The following CDH26 variants were observed in gnomAD, a reference collection of about 807,000 sequenced individuals.
CDH26 encodes cadherin-like protein 26.
In CDH26, 83 loss-of-function variants were observed where a neutral mutation model predicts 90.3. The ratio of observed to expected loss-of-function variants is 0.92; its 90% CI spans 0.77 to 1.10. The LOEUF (loss-of-function observed/expected upper bound fraction) is 1.10, where lower values mean the gene tolerates loss of function less well. Among genes scored for constraint, CDH26 ranks in the 50% least tolerant of loss-of-function variants. The pLI, the probability that CDH26 is intolerant of heterozygous loss-of-function variation, is 0.00. For missense variants in CDH26, 1,013 were observed against 1,037.6 expected, an observed-to-expected ratio of 0.98 and a Z score of 0.33; for synonymous variants, 397 against 396.3, an observed-to-expected ratio of 1.00 and a Z score of -0.02.
chr20:60,029,085 G>A (rs990366165), intron 7 of CDH26, among the ~76,000 whole-genome samples: 1 of 152,214 alleles, frequency 6.6e-6, no homozygotes, highest in Non-Finnish European at 1.5e-5. Context: ...GGACACAGAG[G>A]GATGAGGATT....
At chr20:60,028,896 C>T (rs937576867) in intron 7 of CDH26, among the ~76,000 whole-genome samples, 2 of 152,140 alleles carry the variant, frequency 1.3e-5, no homozygotes, top group African/African-American at 4.8e-5. Context: ...TTCGCTGCAG[C>T]GTTATTCACG....
At chr20:59,967,011 G>A (rs1045130844) in intron 1 of CDH26, among the ~76,000 whole-genome samples, 3 of 151,986 alleles carry the variant, frequency 2.0e-5, no homozygotes, top group South Asian at 4.1e-4. Flanking sequence ...TAATGTTATG[G>A]GATGATGATT....
intron 2 of CDH26, 69 bp from the exon 3 acceptor site, chr20:59,970,013 G>C: frequency 6.4e-7 from 1 of 1,568,132 alleles, no homozygotes; most frequent in South Asian, 1.2e-5. Flanking sequence ...ATGAAGTAAG[G>C]GTGTGATAAA....
At chr20:60,008,546 G>A (rs1446827039) in intron 17 of CDH26, among the ~76,000 whole-genome samples, 1 of 152,194 alleles carries the variant, frequency 6.6e-6, no homozygotes, top group Non-Finnish European at 1.5e-5. Flanking sequence ...CTGACTTGAG[G>A]TCCTGGGATC....
chr20:60,000,825 A>G (rs2146005141), intron 14 of CDH26, among the ~76,000 whole-genome samples: 1 of 152,360 alleles, frequency 6.6e-6, no homozygotes, highest in Middle Eastern at 3.4e-3. Flanking sequence ...GCCGTCACTT[A>G]TGATTTATGG....
Position 59,985,108 on chromosome 20 carries a change from G to A in CDH26, c.816G>A (p.Arg272=). The A allele has an allele frequency of 6.2e-7, 1 of 1,613,646 alleles. No individual in the cohort carries two copies. The highest frequency in any genetic ancestry group is 1.1e-5 in the South Asian group (1 of 91,024). ...ATGTGCAAGAAGGCAACAACCACAG[G>A]CCTGCATTTACCCAGGAGAACGTGA... is the stretch of plus-strand genomic sequence containing the variant. The part of the protein sequence containing the change: ...HVDVQEGNNH[R]PAFTQENYKV... Residue 272 remains arginine, a synonymous_variant, in exon 7 of 18, where the codon AGG becomes AGA. Coordinates refer to ENST00000348616, the MANE Select transcript of CDH26 (RefSeq NM_177980.4).
downstream of CDH26, among the ~76,000 whole-genome samples, chr20:60,019,193 A>G (rs570701517): frequency 6.6e-6 from 1 of 152,238 alleles, no homozygotes; most frequent in Non-Finnish European, 1.5e-5. Flanking sequence ...CTTGGAGAGA[A>G]TCTATTTGGA....
intron 8 of CDH26, chr20:60,031,576 G>A (rs771562968): frequency 3.1e-5 from 29 of 922,078 alleles, no homozygotes; most frequent in Non-Finnish European, 3.6e-5. Flanking sequence ...GATGAAAGGA[G>A]TATGATCTTC....
intron 15 of CDH26, 21 bp from the exon 16 acceptor site, chr20:60,002,792 A>C: frequency 6.4e-7 from 1 of 1,572,384 alleles, no homozygotes; most frequent in Non-Finnish European, 8.7e-7. Flanking sequence ...GAAATCAGTA[A>C]ATATTTCATC....
intron 8 of CDH26, 85 bp downstream of exon 8, chr20:59,987,723 G>A: frequency 7.9e-7 from 1 of 1,261,966 alleles, no homozygotes; most frequent in Non-Finnish European, 1.1e-6. Context: ...GAACCAGGGA[G>A]CTAACGTCCG....
At chr20:59,999,799 C>T (rs1203726139) in intron 14 of CDH26, 136 bp downstream of exon 14, 1 of 702,536 alleles carries the variant, frequency 1.4e-6, no homozygotes, top group Non-Finnish European at 2.4e-6. Flanking sequence ...ACCCCAGCCC[C>T]TACTTGCAAA....
chr20:60,004,765 C>CAAAAAAA (rs140015980), intron 16 of CDH26, among the ~76,000 whole-genome samples: 1 of 48,104 alleles, frequency 2.1e-5, no homozygotes, highest in Non-Finnish European at 5.5e-5. Flanking sequence ...GACTCCATCT[C>CAAAAAAA]AAAAAAAAAA....
In CDH26 at chr20:60,002,754, T is replaced by G. The variant is rs531708651; in HGVS notation, c.2167-59T>G. 4.5e-6 allele frequency: 6 copies of G among 1,339,010 alleles called. No individual in the cohort carries two copies. The African/African-American group carries it at 8.7e-5, about 19-fold the overall frequency. 82.9% of individuals were successfully genotyped at this position (1,339,010 alleles called of 1,614,324 possible). On this transcript the variant is annotated intron_variant, in intron 15 of 17. Transcript: ENST00000348616. ...ATATGACTGCAAGAATTTCTAGTTA[T>G]GTATTTGCATCCTTTGGTAATTTAT...
Position 60,033,599 on chromosome 20 carries a change from A to G in CDH26, c.1258A>G (p.Asn420Asp), listed in dbSNP as rs753004144. The change falls in exon 9 of 9, where the codon AAC becomes GAC. Residue 420 changes from asparagine (N) to aspartate (D), a missense_variant. Asn to Asp is a conservative substitution (Grantham distance 23). Transcript: ENST00000370991. ...GAGTGCGCATTCCCCATCACCCCTTAACAAAAAGGCATGTTTCCCAGGAGA... is the reference window on the plus strand; with the variant it reads ...GAGTGCGCATTCCCCATCACCCCTTGACAAAAAGGCATGTTTCCCAGGAGA... 1.7e-5 allele frequency: 22 copies of G among 1,304,704 alleles called. 1 individual carries two copies. 80.8% of individuals were successfully genotyped at this position (1,304,704 alleles called of 1,614,324 possible).
chr20:60,022,681 G>C (rs1218828498), intron 7 of CDH26, among the ~76,000 whole-genome samples: 1 of 152,226 alleles, frequency 6.6e-6, no homozygotes, highest in African/African-American at 2.4e-5. Context: ...TCATCAGAGA[G>C]TTTTTCTGTG....
intron 7 of CDH26, among the ~76,000 whole-genome samples, chr20:60,022,230 A>G (rs1399330258): frequency 6.6e-6 from 1 of 152,202 alleles, no homozygotes; most frequent in Non-Finnish European, 1.5e-5. Context: ...ACATATACTC[A>G]TGAATTAAAC....
At chr20:59,959,015 G>A (rs2061033704) in intron 1 of CDH26, among the ~76,000 whole-genome samples, 1 of 152,210 alleles carries the variant, frequency 6.6e-6, no homozygotes, top group African/African-American at 2.4e-5. Context: ...GTGGGAGCAG[G>A]CTAAGGGACC....
At position 59,958,685 on chromosome 20, in the gene CDH26, G is replaced by A; in HGVS notation, c.-42G>A. The A allele has an allele frequency of 6.3e-7, 1 of 1,598,314 alleles. No homozygotes were observed. Among genetic ancestry groups the A allele is most frequent in the Non-Finnish European group, 8.6e-7 (1 of 1,165,844 alleles). On this transcript the variant is annotated 5_prime_UTR_variant, in exon 1 of 18. Transcript: ENST00000348616. ...GTGAGACCACCAGCTTGGAGGACTG[G>A]TCATCAGCTGCACGTTCTGGGTCTG...
chr20:60,034,722 T>A (rs2062070682), downstream of CDH26, among the ~76,000 whole-genome samples: 1 of 152,204 alleles, frequency 6.6e-6, no homozygotes, highest in Non-Finnish European at 1.5e-5. Flanking sequence ...TTTCAGCAAG[T>A]TTTCCTGACA....
Sources: allele counts gnomAD v4.1 joint callset (sites outside exome capture counted in the v4.1 genomes callset), GRCh38; gene constraint gnomAD v4.1.1; transcripts MANE v1.5; gene names NCBI Gene and HGNC (gene_info 2026-07-23, HGNC 2026-07-21).